TRMT9B: variants seen among roughly 807,000 people sequenced by gnomAD.
The protein encoded by TRMT9B is probable tRNA methyltransferase 9B.
A neutral mutation model predicts 11.5 loss-of-function variants in TRMT9B; 16 were observed. The ratio of observed to expected loss-of-function variants is 1.39; its 90% CI spans 0.94 to 2.11. The LOEUF (loss-of-function observed/expected upper bound fraction) is 2.11, where lower values mean the gene tolerates loss of function less well. Among genes scored for constraint, TRMT9B ranks in the 30% most tolerant of loss-of-function variants. The pLI is 0.00. For synonymous variants in TRMT9B, 274 were observed against 192.4 expected, an observed-to-expected ratio of 1.42 and a Z score of -3.51; for missense variants, 941 against 553.8, an observed-to-expected ratio of 1.70 and a Z score of -7.02.
At chr8:12,947,189 G>A (rs1800309280) in intron 1 of TRMT9B, among the ~76,000 whole-genome samples, 1 of 152,174 alleles carries the variant, frequency 6.6e-6, no homozygotes, top group Non-Finnish European at 1.5e-5. Context: ...CTTGAGCTTT[G>A]CCTATCCCTG....
intron 2 of TRMT9B, among the ~76,000 whole-genome samples, chr8:13,004,621 C>A (rs1030312512): frequency 2.3e-4 from 35 of 151,994 alleles, no homozygotes; most frequent in African/African-American, 8.2e-4. Context: ...GGACCCATCA[C>A]CTTCTGACTA....
chr8:12,957,869 A>G (rs537055823), intron 1 of TRMT9B, among the ~76,000 whole-genome samples: 3 of 152,278 alleles, frequency 2.0e-5, no homozygotes, highest in Non-Finnish European at 2.9e-5. Context: ...TTGCTGTGCA[A>G]CCATCGCTGC....
At chr8:13,001,903 C>G (rs913614315) in intron 2 of TRMT9B, among the ~76,000 whole-genome samples, 1 of 152,130 alleles carries the variant, frequency 6.6e-6, no homozygotes, top group African/African-American at 2.4e-5. Flanking sequence ...TCTGGAAACC[C>G]GTGCTCTTGT....
chr8:12,982,770 T>C (rs1041051136), intron 1 of TRMT9B, among the ~76,000 whole-genome samples: 4 of 152,192 alleles, frequency 2.6e-5, no homozygotes, highest in Non-Finnish European at 5.9e-5. Context: ...TTTGAAACTT[T>C]TTGAGTGACC....
intron 2 of TRMT9B, among the ~76,000 whole-genome samples, chr8:12,999,361 G>A (rs1409566178): frequency 6.6e-6 from 1 of 151,730 alleles, no homozygotes; most frequent in African/African-American, 2.4e-5. Context: ...GGAGAAGATG[G>A]GAGGGGTGAT....
chr8:12,974,731 C>G (rs1563340157), intron 1 of TRMT9B, among the ~76,000 whole-genome samples: 1 of 152,126 alleles, frequency 6.6e-6, no homozygotes, highest in Non-Finnish European at 1.5e-5. Flanking sequence ...CATTTCACTT[C>G]TCTTGCATGA....
Position 12,955,064 on chromosome 8 carries a change from C to A in TRMT9B, c.-200+9098C>A, listed in dbSNP as rs148022186. Among the ~76,000 whole-genome samples, 719 of 152,302 alleles carry A rather than the reference C, an allele frequency of 4.7e-3. 7 individuals are homozygous for A. Among genetic ancestry groups the A allele is most frequent in the African/African-American group, 0.015 (627 of 41,564 alleles). On this transcript the variant is annotated intron_variant, in intron 1 of 4. Coordinates refer to ENST00000524591, the MANE Select transcript of TRMT9B (RefSeq NM_020844.3). ...AAGTAGGAGTGTGTTGACTAAATAT[C>A]ATCTCCTGGAGGCTGCAGAGAGGTT...
At chr8:13,013,037 G>A (rs1260905694) in intron 4 of TRMT9B, among the ~76,000 whole-genome samples, 180 bp downstream of exon 4, 1 of 152,120 alleles carries the variant, frequency 6.6e-6, no homozygotes. Flanking sequence ...TGTATTTATG[G>A]CACATATGAT....
chr8:12,973,675 A>G (rs1024286129), intron 1 of TRMT9B, among the ~76,000 whole-genome samples: 1 of 152,172 alleles, frequency 6.6e-6, no homozygotes, highest in South Asian at 2.1e-4. Flanking sequence ...TGGAACTGTC[A>G]TAGGCAGCCA....
intron 2 of TRMT9B, among the ~76,000 whole-genome samples, chr8:12,991,578 C>T (rs1018790665): frequency 7.9e-5 from 12 of 152,070 alleles, no homozygotes; most frequent in Admixed American, 7.9e-4. Flanking sequence ...GAGCCATTTC[C>T]AATATTTGTA....
rs59943848 is a variant in TRMT9B at position 13,029,184 on chromosome 8, TTTTGTTTGTTTG to T, written c.*7152_*7163del. 1 of 166,408 alleles carries T rather than the reference TTTTGTTTGTTTG, an allele frequency of 6.0e-6. No homozygotes were observed. The highest frequency in any genetic ancestry group is 6.6e-5 in the Admixed American group (1 of 15,230). The allele number at this position is 166,408 out of a possible 1,614,324, so 10.3% of individuals were successfully genotyped here. A position where few individuals can be genotyped will look rare whatever the true frequency, so the allele number is the denominator to read the frequency against. ...AAATGTATTTCATTGAATAAATAGC[TTTTGTTTGTTTG>T]TTTGTTTGTTTCAGGGAAATTTAGA... On this transcript the variant is annotated 3_prime_UTR_variant, in exon 5 of 5. Coordinates refer to ENST00000524591, the MANE Select transcript of TRMT9B (RefSeq NM_020844.3).
At chr8:12,947,003 G>C (rs556885111) in intron 1 of TRMT9B, among the ~76,000 whole-genome samples, 4 of 152,150 alleles carry the variant, frequency 2.6e-5, no homozygotes, top group Non-Finnish European at 5.9e-5. Flanking sequence ...TAGGATTTAG[G>C]AGATGGCTAC....
At chr8:12,955,420 T>G (rs1235932845) in intron 1 of TRMT9B, among the ~76,000 whole-genome samples, 1 of 152,138 alleles carries the variant, frequency 6.6e-6, no homozygotes, top group Non-Finnish European at 1.5e-5. Context: ...CTTTCCCCGT[T>G]CCCTCCTATC....
In TRMT9B at chr8:13,024,089, G is replaced by C. The variant is rs1229197317; in HGVS notation, c.*2045G>C. On this transcript the variant is annotated 3_prime_UTR_variant, in exon 5 of 5. Coordinates refer to ENST00000524591, the MANE Select transcript of TRMT9B (RefSeq NM_020844.3). Reference sequence around the variant, plus strand: ...GACAGAGTCTCGCTCTGTCGCCCAGGCTGGAGTGCACTGGCGCGATCTCGG... The same window carrying C: ...GACAGAGTCTCGCTCTGTCGCCCAGCCTGGAGTGCACTGGCGCGATCTCGG... 1 of 132,584 alleles carries C rather than the reference G, an allele frequency of 7.5e-6. No individual in the cohort carries two copies. The highest frequency in any genetic ancestry group is 1.6e-5 in the Non-Finnish European group (1 of 64,010). The allele number at this position is 132,584 out of a possible 1,614,324, so 8.2% of individuals were successfully genotyped here.
chr8:12,978,374 C>G (rs1396304987), intron 1 of TRMT9B, among the ~76,000 whole-genome samples: 1 of 152,158 alleles, frequency 6.6e-6, no homozygotes, highest in Non-Finnish European at 1.5e-5. Context: ...CCCATTGCAA[C>G]CTGGCAACAT....
intron 1 of TRMT9B, among the ~76,000 whole-genome samples, chr8:12,985,923 T>C (rs1806218619): frequency 6.6e-6 from 1 of 152,090 alleles, no homozygotes; most frequent in African/African-American, 2.4e-5. Context: ...TGCTGTGGCG[T>C]GATCTTGGCT....
chr8:12,985,037 A>G (rs549600223), intron 1 of TRMT9B, among the ~76,000 whole-genome samples: 10 of 151,104 alleles, frequency 6.6e-5, no homozygotes, highest in Non-Finnish European at 1.3e-4. Flanking sequence ...CATTTCCCCT[A>G]TTTCGTTTTG....
intron 1 of TRMT9B, among the ~76,000 whole-genome samples, chr8:12,965,279 G>A (rs1802661896): frequency 6.6e-6 from 1 of 152,118 alleles, no homozygotes; most frequent in South Asian, 2.1e-4. Flanking sequence ...CGGAGACTCT[G>A]GAGGGAACTA....
At chr8:12,960,293 G>A (rs1487341227) in intron 1 of TRMT9B, 3 of 152,186 alleles carry the variant, frequency 2.0e-5, no homozygotes, top group Non-Finnish European at 4.4e-5. Context: ...TAGTAACCAA[G>A]CTTAAGAAAA....
Sources: gnomAD v4.1 joint callset for allele counts (sites outside exome capture counted in the v4.1 genomes callset) on GRCh38, gnomAD v4.1.1 for gene constraint, MANE v1.5 for transcripts, NCBI Gene and HGNC (gene_info 2026-07-23, HGNC 2026-07-21) for gene names.